SF3B1: variants seen among roughly 807,000 people sequenced by gnomAD.
The protein encoded by SF3B1 is pre-mRNA processing 10.
A neutral mutation model predicts 153.8 loss-of-function variants in SF3B1; 12 were observed. The observed-to-expected ratio is 0.08, with a 90% CI of 0.05 to 0.13. The LOEUF (loss-of-function observed/expected upper bound fraction) is 0.13, where lower values mean the gene tolerates loss of function less well. SF3B1 is among the 10% of genes least tolerant of loss of function. SF3B1 has a pLI of 1.00. For synonymous variants in SF3B1, 498 were observed against 525.2 expected, an observed-to-expected ratio of 0.95 and a Z score of 0.71; for missense variants, 513 against 1,606.1, an observed-to-expected ratio of 0.32 and a Z score of 11.63.
intron 1 of SF3B1, 129 bp downstream of exon 1, chr2:197,434,843 G>C (rs979497157): frequency 1.5e-5 from 15 of 970,090 alleles, no homozygotes; most frequent in Admixed American, 2.3e-5. Context: ...CGGAGGAGAC[G>C]ACCCTTGGCC....
intron 5 of SF3B1, among the ~76,000 whole-genome samples, chr2:197,418,252 A>C (rs1171846779): frequency 6.9e-6 from 1 of 145,340 alleles, no homozygotes; most frequent in Non-Finnish European, 1.5e-5. Context: ...AAAAAAAAAA[A>C]AAAAAAAAAA....
intron 5 of SF3B1, among the ~76,000 whole-genome samples, chr2:197,417,434 T>C (rs1353263712): frequency 6.6e-6 from 1 of 152,022 alleles, no homozygotes; most frequent in East Asian, 1.9e-4. Context: ...ATCTATTATA[T>C]ATTCATAATA....
At position 197,396,299 on chromosome 2, in the gene SF3B1, T is replaced by C; in HGVS notation, c.3296A>G (p.Asn1099Ser). Residue 1099 changes from asparagine to serine, a missense_variant, in exon 23 of 25, where the codon AAC becomes AGC. Physicochemically the swap from Asn to Ser is conservative, Grantham distance 46. Around this residue, in one of 21 missense-constraint regions of SF3B1, gnomAD observed 17 missense variants for 246.2 expected, o/e 0.07. Coordinates refer to ENST00000335508, the MANE Select transcript of SF3B1 (RefSeq NM_012433.4). ...GPHDVLATLL[N>S]NLKVQERQNR... ...CTGCCTTTCTTGAACTTTGAGGTTG[T>C]TCAGAAGTGTAGCCAATACATCATG... is the stretch of plus-strand genomic sequence containing the variant. The C allele has an allele frequency of 1.9e-6, 3 of 1,613,976 alleles. No homozygotes were observed. Among genetic ancestry groups the C allele is most frequent in the Non-Finnish European group, 2.5e-6 (3 of 1,179,912 alleles).
chr2:197,416,696 A>G (rs181827640), intron 6 of SF3B1, 45 bp downstream of exon 6: 136 of 1,572,062 alleles, frequency 8.7e-5, no homozygotes, highest in Middle Eastern at 5.2e-4. Flanking sequence ...TCCATAACAG[A>G]AAAAAATTTT....
chr2:197,429,532 CCAGCA>C (rs1422148054), intron 1 of SF3B1, among the ~76,000 whole-genome samples: 1 of 152,086 alleles, frequency 6.6e-6, no homozygotes, highest in Admixed American at 6.6e-5. Flanking sequence ...GCCTGTAATC[CCAGCA>C]CTTTGGGAGG....
intron 6 of SF3B1, among the ~76,000 whole-genome samples, chr2:197,411,780 A>G (rs1474970437): frequency 6.6e-6 from 1 of 151,878 alleles, no homozygotes; most frequent in African/African-American, 2.4e-5. Context: ...CAAGTTTAAG[A>G]CTCAATAGTT....
intron 8 of SF3B1, 27 bp downstream of exon 8, chr2:197,408,338 AAAAC>A: frequency 6.3e-7 from 1 of 1,596,164 alleles, no homozygotes; most frequent in South Asian, 1.1e-5. Context: ...TATGGAGAAA[AAAAC>A]AATTATGTCC....
intron 1 of SF3B1, among the ~76,000 whole-genome samples, chr2:197,424,295 C>T (rs2085296226): frequency 6.6e-6 from 1 of 152,034 alleles, no homozygotes; most frequent in South Asian, 2.1e-4. Context: ...GTCAGGAGTT[C>T]GAGACCAACC....
rs2105985959 is a variant in SF3B1 at position 197,402,277 on chromosome 2, C to T, written c.2078-147G>A. On this transcript the variant is annotated intron_variant, in intron 14 of 24. Coordinates refer to ENST00000335508, the MANE Select transcript of SF3B1 (RefSeq NM_012433.4). This position sits in a 1 kb window ranked among gnomAD's most constrained non-coding sequence, Gnocchi z 4.6. ...AAATTAGGTAAAAGCAAAACATGAA[C>T]CATAGCCTGTCAGCAGATAATATAA... 2.3e-6 allele frequency: 2 copies of T among 868,692 alleles called. No homozygotes were observed. The highest frequency in any genetic ancestry group is 2.6e-5 in the East Asian group (1 of 37,740). The allele number at this position is 868,692 out of a possible 1,614,324, so 53.8% of individuals were successfully genotyped here.
In SF3B1 at chr2:197,400,966, T is replaced by C; in HGVS notation, c.2497-30A>G. The C allele has an allele frequency of 7.2e-7, 1 of 1,398,436 alleles. No homozygotes were observed. The highest frequency in any genetic ancestry group is 1.0e-6 in the Non-Finnish European group (1 of 998,172). 86.6% of individuals were successfully genotyped at this position (1,398,436 alleles called of 1,614,324 possible). ...AAAGAACAGAAAAACAAAAAACCTT[T>C]TAGACTGCTTTTCCAAGGAAATAAA... On this transcript the variant is annotated intron_variant, in intron 17 of 24. Transcript: ENST00000335508. The surrounding 1 kb of genome is among the most constrained non-coding windows in gnomAD (Gnocchi z 5.0).
chr2:197,412,548 G>T (rs1326494720), intron 6 of SF3B1, among the ~76,000 whole-genome samples: 1 of 151,372 alleles, frequency 6.6e-6, no homozygotes, highest in African/African-American at 2.4e-5. Context: ...GTAGAGACGG[G>T]GTTTCACCAT....
intron 6 of SF3B1, among the ~76,000 whole-genome samples, chr2:197,412,022 A>C (rs2085076049): frequency 6.6e-6 from 1 of 151,328 alleles, no homozygotes; most frequent in African/African-American, 2.4e-5. Flanking sequence ...AGGCATGAGA[A>C]TTGCCTAAAC....
rs1230240895 is a variant in SF3B1, at chr2:197,400,643, T to C, written c.2718+72A>G. 6.4e-6 allele frequency: 8 copies of C among 1,241,702 alleles called. No individual in the cohort carries two copies. Among genetic ancestry groups the C allele is most frequent in the Non-Finnish European group, 9.1e-6 (8 of 882,698 alleles). The allele number at this position is 1,241,702 out of a possible 1,614,324, so 76.9% of individuals were successfully genotyped here. Reference sequence around the variant, plus strand: ...AAATTCAATTGCATTCTAGAAAAATTTGCTTGACAACTAATATGCTTTTCT... The same window carrying C: ...AAATTCAATTGCATTCTAGAAAAATCTGCTTGACAACTAATATGCTTTTCT... On this transcript the variant is annotated intron_variant, in intron 18 of 24. Transcript: ENST00000335508. This position sits in a 1 kb window ranked among gnomAD's most constrained non-coding sequence, Gnocchi z 5.0.
At chr2:197,403,058 A>C in intron 12 of SF3B1, 23 bp from the exon 13 acceptor site, 3 of 1,507,398 alleles carry the variant, frequency 2.0e-6, no homozygotes, top group East Asian at 4.5e-5. Flanking sequence ...AAAGAGAAGA[A>C]GCTACACTTT....
Position 197,410,164 on chromosome 2 carries a change from C to T in SF3B1, c.667-157G>A, listed in dbSNP as rs1193153366. Among the ~76,000 whole-genome samples, 6 of 152,054 alleles carry T rather than the reference C, an allele frequency of 3.9e-5. No individual in the cohort carries two copies. In the East Asian group the frequency reaches 9.6e-4, roughly 24 times the overall value. On this transcript the variant is annotated intron_variant, in intron 6 of 24. Coordinates refer to ENST00000335508, the MANE Select transcript of SF3B1 (RefSeq NM_012433.4). Reference sequence around the variant, plus strand: ...CTACCTCTACTTATAGGAAAAGATACCTACTTTCTAGCAAATGTTTATGAT... The same window carrying T: ...CTACCTCTACTTATAGGAAAAGATATCTACTTTCTAGCAAATGTTTATGAT...
At chr2:197,423,560 A>C (rs2085282964) in intron 2 of SF3B1, among the ~76,000 whole-genome samples, 1 of 152,154 alleles carries the variant, frequency 6.6e-6, no homozygotes, top group Non-Finnish European at 1.5e-5. Context: ...TTTACTCTTA[A>C]CTTTATAAAG....
intron 7 of SF3B1, 112 bp downstream of exon 7, chr2:197,409,658 A>C: frequency 1.2e-6 from 1 of 848,160 alleles, no homozygotes. Context: ...TCTGTCCCCC[A>C]AAAGCAGCTG....
chr2:197,434,745 T>C (rs1241999450), intron 1 of SF3B1, among the ~76,000 whole-genome samples: 1 of 152,192 alleles, frequency 6.6e-6, no homozygotes, highest in African/African-American at 2.4e-5. Flanking sequence ...TACTCTGAAG[T>C]AGCAGGTCCC....
chr2:197,420,321 T>A lies in SF3B1; in HGVS notation c.415+107A>T, dbSNP rs1044340840. On this transcript the variant is annotated intron_variant, in intron 4 of 24. Coordinates refer to ENST00000335508, the MANE Select transcript of SF3B1 (RefSeq NM_012433.4). Reference sequence around the variant, plus strand: ...ACAAATCTATAGTAAGGGGGATTTTTAAAAAGAAAAGCAAATTCAGAAGCA... The same window carrying A: ...ACAAATCTATAGTAAGGGGGATTTTAAAAAAGAAAAGCAAATTCAGAAGCA... 7.5e-6 allele frequency: 6 copies of A among 795,162 alleles called. No homozygotes were observed. The Admixed American group carries it at 1.3e-4, about 18-fold the overall frequency. 49.3% of individuals were successfully genotyped at this position (795,162 alleles called of 1,614,324 possible).
Sources: gnomAD v4.1 joint callset for allele counts (sites outside exome capture counted in the v4.1 genomes callset) on GRCh38, gnomAD v4.1.1 for gene constraint, gnomAD v4.1.1 regional missense constraint, Gnocchi (gnomAD v3.1) non-coding constraint, MANE v1.5 for transcripts, NCBI Gene and HGNC (gene_info 2026-07-23, HGNC 2026-07-21) for gene names.